PITPNC1: variants seen among roughly 807,000 people sequenced by gnomAD.
PITPNC1 encodes the protein phosphatidylinositol transfer protein cytoplasmic 1, also known as cytoplasmic phosphatidylinositol transfer protein 1.
PITPNC1 carries 18 observed loss-of-function variants against 44.7 expected under a neutral mutation model. That is an observed-to-expected ratio of 0.40 (90% CI 0.28 to 0.60). The LOEUF is 0.60. PITPNC1 is among the 20% of genes least tolerant of loss of function. PITPNC1 has a pLI of 0.39. For synonymous variants in PITPNC1, 141 were observed against 149.6 expected (o/e 0.94, Z 0.42); for missense variants, 290 against 418.4 (o/e 0.69, Z 2.68).
At chr17:67,414,667 A>G (rs2038560191) in intron 1 of PITPNC1, among the ~76,000 whole-genome samples, 1 of 152,160 alleles carries the variant, frequency 6.6e-6, no homozygotes, top group Non-Finnish European at 1.5e-5. Flanking sequence ...TGCAAAGCCA[A>G]AAATATTTGT....
chr17:67,581,316 A>G (rs961315432), intron 5 of PITPNC1, among the ~76,000 whole-genome samples: 7 of 152,228 alleles, frequency 4.6e-5, no homozygotes, highest in African/African-American at 1.7e-4. Flanking sequence ...CTGGGCTGCA[A>G]GAGAAGCACC....
At chr17:67,457,380 TTTG>T (rs2039270250) in intron 1 of PITPNC1, 1 of 146,682 alleles carries the variant, frequency 6.8e-6, no homozygotes, top group Non-Finnish European at 1.5e-5. Context: ...TTTTTTGTTT[TTTG>T]TTTTTTGTTT....
intron 7 of PITPNC1, 49 bp from the exon 8 acceptor site, chr17:67,675,430 G>C (rs768038618): frequency 8.0e-7 from 1 of 1,255,040 alleles, no homozygotes; most frequent in Non-Finnish European, 1.2e-6. Context: ...CTTCCAGATA[G>C]TTTTCATCAA....
chr17:67,675,620 C>T, intron 8 of PITPNC1, 78 bp downstream of exon 8: 1 of 960,708 alleles, frequency 1.0e-6, no homozygotes, highest in Non-Finnish European at 1.7e-6. Flanking sequence ...GCTTCAACTG[C>T]TACCTAGAAG....
At chr17:67,416,079 G>A (rs1176913829) in intron 1 of PITPNC1, among the ~76,000 whole-genome samples, 1 of 152,002 alleles carries the variant, frequency 6.6e-6, no homozygotes, top group Admixed American at 6.6e-5. Flanking sequence ...CGTGGCGGGT[G>A]GCTAATGACT....
chr17:67,610,519 G>A (rs1440894343), intron 5 of PITPNC1, among the ~76,000 whole-genome samples: 3 of 152,158 alleles, frequency 2.0e-5, no homozygotes, highest in Admixed American at 6.5e-5. Flanking sequence ...TGGGCCAGGC[G>A]TGGTGCCGGC....
In PITPNC1 at chr17:67,408,553, T is replaced by C. The variant is rs180687737; in HGVS notation, c.48+30351T>C. ...TCAAAACAAACAAAAAAAAAGTTTT[T>C]TGATGAAGTTCAGTGTTTCCCTTCC... On this transcript the variant is annotated intron_variant, in intron 1 of 8. Coordinates refer to ENST00000581322, the MANE Select transcript of PITPNC1 (RefSeq NM_012417.4). Among the ~76,000 whole-genome samples the C allele has an allele frequency of 4.1e-4, 63 of 152,134 alleles. 1 individual carries two copies. The highest frequency in any genetic ancestry group is 1.0e-3 in the South Asian group (5 of 4,810).
At chr17:67,645,947 A>G (rs1321895898) in intron 6 of PITPNC1, among the ~76,000 whole-genome samples, 1 of 152,212 alleles carries the variant, frequency 6.6e-6, no homozygotes, top group African/African-American at 2.4e-5. Context: ...CAACCTGGCA[A>G]AAGCCTGTCT....
At chr17:67,506,662 C>T (rs1346728019) in intron 1 of PITPNC1, among the ~76,000 whole-genome samples, 3 of 152,102 alleles carry the variant, frequency 2.0e-5, no homozygotes, top group African/African-American at 7.2e-5. Context: ...ACGCGATGTA[C>T]TGCGGGTAAA....
intron 6 of PITPNC1, among the ~76,000 whole-genome samples, chr17:67,659,463 A>T (rs1467655600): frequency 1.3e-5 from 2 of 152,146 alleles, no homozygotes; most frequent in Non-Finnish European, 2.9e-5. Flanking sequence ...TGGTGCTCTA[A>T]GGTAATCAGC....
At chr17:67,562,136 T>C (rs1232688173) in intron 4 of PITPNC1, among the ~76,000 whole-genome samples, 1 of 152,366 alleles carries the variant, frequency 6.6e-6, no homozygotes, top group Non-Finnish European at 1.5e-5. Flanking sequence ...CTTTCATTCA[T>C]GTCTTCGGCT....
chr17:67,611,831 T>G (rs972676797), intron 5 of PITPNC1: 20 of 152,234 alleles, frequency 1.3e-4, no homozygotes, highest in African/African-American at 4.8e-4. Flanking sequence ...GGCTTTGGTT[T>G]TAGGAGGAGA....
At chr17:67,690,405 G>C (rs550098349) in intron 8 of PITPNC1, among the ~76,000 whole-genome samples, 7 of 148,604 alleles carry the variant, frequency 4.7e-5, no homozygotes, top group Non-Finnish European at 8.9e-5. Flanking sequence ...CCGAGATCTC[G>C]CCGTTGCACT....
intron 1 of PITPNC1, among the ~76,000 whole-genome samples, chr17:67,528,757 G>A (rs1018506412): frequency 3.1e-4 from 47 of 152,178 alleles, no homozygotes; most frequent in Non-Finnish European, 1.5e-5. Flanking sequence ...AGTCTGAATG[G>A]AGAAGGTCTG....
intron 2 of PITPNC1, among the ~76,000 whole-genome samples, chr17:67,546,935 A>G (rs1294830057): frequency 4.6e-5 from 7 of 152,244 alleles, no homozygotes; most frequent in African/African-American, 1.7e-4. Flanking sequence ...GAGCAGCTGG[A>G]GAAGATATTT....
chr17:67,670,758 A>C, intron 7 of PITPNC1, among the ~76,000 whole-genome samples: 1 of 151,142 alleles, frequency 6.6e-6, no homozygotes, highest in African/African-American at 2.4e-5. Context: ...CTCAAAAAAA[A>C]AAAAAAAAAA....
At chr17:67,476,945 C>T (rs1386409204) in intron 1 of PITPNC1, among the ~76,000 whole-genome samples, 2 of 152,192 alleles carry the variant, frequency 1.3e-5, no homozygotes, top group Non-Finnish European at 2.9e-5. Flanking sequence ...CAGGCCCCAC[C>T]CCAGACCCTC....
intron 1 of PITPNC1, among the ~76,000 whole-genome samples, chr17:67,487,658 G>C (rs2039799235): frequency 6.6e-6 from 1 of 152,126 alleles, no homozygotes; most frequent in South Asian, 2.1e-4. Context: ...TCTAAGAAAG[G>C]GGGAAAGTTT....
At chr17:67,631,657 A>ATATAT (rs10524740) in intron 5 of PITPNC1, among the ~76,000 whole-genome samples, 13 of 7,674 alleles carry the variant, frequency 1.7e-3, no homozygotes, top group African/African-American at 4.4e-3. Flanking sequence ...AAAAAAAAAA[A>ATATAT]ATATATATAT....
Sources: allele counts gnomAD v4.1 joint callset (sites outside exome capture counted in the v4.1 genomes callset), GRCh38; gene constraint gnomAD v4.1.1; transcripts MANE v1.5; gene names NCBI Gene and HGNC (gene_info 2026-07-23, HGNC 2026-07-21).